The following CTNNB1 variants were observed in gnomAD, a reference collection of about 807,000 sequenced individuals.
The protein encoded by CTNNB1 is catenin beta-1.
CTNNB1 carries 6 observed loss-of-function variants against 82.5 expected under a neutral mutation model. The observed-to-expected ratio is 0.07, with a 90% CI of 0.04 to 0.14. The LOEUF (loss-of-function observed/expected upper bound fraction) is 0.14, where lower values mean the gene tolerates loss of function less well. CTNNB1 is among the 10% of genes least tolerant of loss of function. The pLI is 1.00. For synonymous variants in CTNNB1, 312 were observed against 329.7 expected, an observed-to-expected ratio of 0.95 and a Z score of 0.58; for missense variants, 529 against 980.4, an observed-to-expected ratio of 0.54 and a Z score of 6.15.
chr3:41,227,802 G>A lies in CTNNB1; in HGVS notation c.1081+450G>A, dbSNP rs184419239. On this transcript the variant is annotated intron_variant, in intron 7 of 14. Coordinates refer to ENST00000349496, the MANE Select transcript of CTNNB1 (RefSeq NM_001904.4). Reference sequence around the variant, plus strand: ...ATATAGGTAAATTGCATGTCACAGGGGTTTCGTGTGCAGATTATTTTGTCA... The same window carrying A: ...ATATAGGTAAATTGCATGTCACAGGAGTTTCGTGTGCAGATTATTTTGTCA... Among the ~76,000 whole-genome samples, 186 of 152,190 alleles carry A rather than the reference G, an allele frequency of 1.2e-3. 1 individual carries two copies. Among genetic ancestry groups the A allele is most frequent in the Admixed American group, 0.012 (178 of 15,284 alleles).
At chr3:41,213,690 T>C (rs779231158) in intron 1 of CTNNB1, among the ~76,000 whole-genome samples, 5 of 152,216 alleles carry the variant, frequency 3.3e-5, no homozygotes, top group Non-Finnish European at 5.9e-5. Context: ...TATCACAATC[T>C]CGTAAATTGA....
At chr3:41,214,472 C>T (rs1575298431) in intron 1 of CTNNB1, among the ~76,000 whole-genome samples, 1 of 151,876 alleles carries the variant, frequency 6.6e-6, no homozygotes, top group East Asian at 1.9e-4. Flanking sequence ...TTTTAATGGC[C>T]TGAAATGTTT....
intron 1 of CTNNB1, among the ~76,000 whole-genome samples, chr3:41,207,490 T>C (rs1054324867): frequency 1.3e-5 from 2 of 152,126 alleles, no homozygotes; most frequent in African/African-American, 4.8e-5. Context: ...AGGAGCTAAG[T>C]AGGAACCCCT....
At chr3:41,232,079 G>C (rs1277029121) in intron 7 of CTNNB1, among the ~76,000 whole-genome samples, 3 of 152,138 alleles carry the variant, frequency 2.0e-5, no homozygotes, top group Non-Finnish European at 4.4e-5. Context: ...TTAGTATATA[G>C]GGGTAAGGGC....
In CTNNB1 at chr3:41,225,876, C is replaced by T. The variant is rs563447885; in HGVS notation, c.936+15C>T. ...AAGAAAGCAAGGTAAGAGAATTATT[C>T]TTTATGTGGTTTTCATGGAGCATTG... On this transcript the variant is annotated intron_variant, in intron 6 of 14. Transcript: ENST00000349496. This position sits in a 1 kb window ranked among gnomAD's most constrained non-coding sequence, Gnocchi z 5.3. 6.2e-7 allele frequency: 1 copy of T among 1,606,402 alleles called. No individual in the cohort carries two copies. Among genetic ancestry groups the T allele is most frequent in the South Asian group, 1.1e-5 (1 of 90,704 alleles).
chr3:41,237,062 T>C (rs929553928), intron 13 of CTNNB1: 34 of 401,870 alleles, frequency 8.5e-5, no homozygotes, highest in Admixed American at 4.2e-4. Flanking sequence ...TACTAAACTT[T>C]AATAAAACTT....
At chr3:41,235,447 T>G in intron 10 of CTNNB1, 1 of 495,834 alleles carries the variant, frequency 2.0e-6, no homozygotes. Context: ...CCCAGAATGA[T>G]TGGTGCCCTT....
At chr3:41,199,931 G>A (rs1399175434) in intron 1 of CTNNB1, 3 of 142,052 alleles carry the variant, frequency 2.1e-5, no homozygotes, top group African/African-American at 7.6e-5. Flanking sequence ...CGCCGCGGGG[G>A]CGCGTACAGG....
intron 1 of CTNNB1, among the ~76,000 whole-genome samples, chr3:41,218,851 C>G (rs2077974569): frequency 6.6e-6 from 1 of 152,246 alleles, no homozygotes; most frequent in South Asian, 2.1e-4. Context: ...GCCACCACAC[C>G]TTGCCGAATT....
Position 41,240,177 on chromosome 3 carries a change from A to AAAATAGAC in CTNNB1, c.*843_*850dup, listed in dbSNP as rs1336007987. 4.9e-6 allele frequency: 1 copy of AAAATAGAC among 203,164 alleles called. No homozygotes were observed. Among genetic ancestry groups the AAAATAGAC allele is most frequent in the African/African-American group, 2.3e-5 (1 of 43,698 alleles). 12.6% of individuals were successfully genotyped at this position (203,164 alleles called of 1,614,324 possible). A position where few individuals can be genotyped will look rare whatever the true frequency, so the allele number is the denominator to read the frequency against. Reference sequence around the variant, plus strand: ...TAACAATTGTGTAGCCTTTTTGTATAAAATAGACAAATAGAAAATGGTCCA... The same window carrying AAAATAGAC: ...TAACAATTGTGTAGCCTTTTTGTATAAAATAGACAAATAGACAAATAGAAAATGGTCCA... On this transcript the variant is annotated 3_prime_UTR_variant, in exon 15 of 15. Transcript: ENST00000349496.
chr3:41,235,910 C>A (rs2125645351), intron 11 of CTNNB1, 67 bp downstream of exon 11: 3 of 1,572,606 alleles, frequency 1.9e-6, no homozygotes, highest in African/African-American at 2.7e-5. Flanking sequence ...TGACTAATAA[C>A]ATTTCAGAAA....
chr3:41,202,117 A>T (rs2077545246), intron 1 of CTNNB1, among the ~76,000 whole-genome samples: 1 of 152,260 alleles, frequency 6.6e-6, no homozygotes, highest in South Asian at 2.1e-4. Flanking sequence ...AGTTATAAGT[A>T]GCAGTGAAAT....
At chr3:41,222,070 T>C (rs1004465452) in intron 1 of CTNNB1, 1 of 152,192 alleles carries the variant, frequency 6.6e-6, no homozygotes, top group Non-Finnish European at 1.5e-5. Flanking sequence ...AGTCAGTTTT[T>C]TCGTTGCTTT....
At chr3:41,237,446 C>CAAAAAAAAAAAAAAAA (rs3038134) in intron 13 of CTNNB1, 4 of 65,256 alleles carry the variant, frequency 6.1e-5, no homozygotes, top group African/African-American at 2.6e-4. Context: ...GACTCCAACA[C>CAAAAAAAAAAAAAAAA]AAAAAAAAAA....
chr3:41,212,331 T>A (rs1328709274), intron 1 of CTNNB1, among the ~76,000 whole-genome samples: 1 of 152,184 alleles, frequency 6.6e-6, no homozygotes, highest in Non-Finnish European at 1.5e-5. Flanking sequence ...CCAACCTTTT[T>A]TTTCCCCTCC....
chr3:41,207,149 T>A (rs1298190207), intron 1 of CTNNB1, among the ~76,000 whole-genome samples: 1 of 152,082 alleles, frequency 6.6e-6, no homozygotes, highest in Admixed American at 6.6e-5. Flanking sequence ...AGCATTCTGT[T>A]CCCCATAGAA....
At chr3:41,216,339 G>C (rs1206348612) in intron 1 of CTNNB1, among the ~76,000 whole-genome samples, 3 of 152,222 alleles carry the variant, frequency 2.0e-5, no homozygotes, top group African/African-American at 7.2e-5. Context: ...ATATAAAGAT[G>C]CTGTAAGTGA....
At chr3:41,204,428 T>G (rs2077601536) in intron 1 of CTNNB1, among the ~76,000 whole-genome samples, 1 of 152,238 alleles carries the variant, frequency 6.6e-6, no homozygotes, top group African/African-American at 2.4e-5. Flanking sequence ...GATATGTTAC[T>G]AAGAATAAGA....
At chr3:41,201,291 G>A (rs763861472) in intron 1 of CTNNB1, among the ~76,000 whole-genome samples, 1 of 151,968 alleles carries the variant, frequency 6.6e-6, no homozygotes, top group Non-Finnish European at 1.5e-5. Context: ...CTTTTCGTTT[G>A]AACTAAGGCT....
Sources: gnomAD v4.1 joint callset for allele counts (sites outside exome capture counted in the v4.1 genomes callset) on GRCh38, gnomAD v4.1.1 for gene constraint, Gnocchi (gnomAD v3.1) non-coding constraint, MANE v1.5 for transcripts, NCBI Gene and HGNC (gene_info 2026-07-23, HGNC 2026-07-21) for gene names.